FHIT: variants seen among roughly 807,000 people sequenced by gnomAD.
FHIT encodes bis(5'-adenosyl)-triphosphatase.
FHIT carries 19 observed loss-of-function variants against 17.9 expected under a neutral mutation model. The ratio of observed to expected loss-of-function variants is 1.06; its 90% confidence interval spans 0.74 to 1.56. The LOEUF (loss-of-function observed/expected upper bound fraction) is 1.56. FHIT is among the 40% of genes most tolerant of loss of function. The pLI is 0.00. For missense variants in FHIT, 248 were observed against 189.2 expected (o/e 1.31, Z -1.82); for synonymous variants, 81 against 69.7 (o/e 1.16, Z -0.81).
chr3:61,240,183 G>A (rs925026974), intron 1 of FHIT, among the ~76,000 whole-genome samples: 4 of 152,182 alleles, frequency 2.6e-5, no homozygotes, highest in African/African-American at 9.7e-5. Context: ...TCTTGGCCTT[G>A]TTTTTATCCA....
At chr3:60,546,172 C>G (rs2036356662) in intron 4 of FHIT, among the ~76,000 whole-genome samples, 1 of 152,114 alleles carries the variant, frequency 6.6e-6, no homozygotes, top group African/African-American at 2.4e-5. Flanking sequence ...AGTTTAATCA[C>G]TACACATTTA....
At chr3:59,871,659 T>G (rs1348839656) in intron 8 of FHIT, among the ~76,000 whole-genome samples, 16 of 152,202 alleles carry the variant, frequency 1.1e-4, no homozygotes, top group Admixed American at 1.0e-3. Flanking sequence ...AGGCTGTGTC[T>G]GGGTTCAGTG....
intron 3 of FHIT, among the ~76,000 whole-genome samples, chr3:60,862,296 G>T (rs2107007553): frequency 6.6e-6 from 1 of 152,096 alleles, no homozygotes; most frequent in South Asian, 2.1e-4. Flanking sequence ...ATCCGTACTA[G>T]CTAGGACTAT....
chr3:61,097,649 T>C (rs756976392), intron 2 of FHIT, among the ~76,000 whole-genome samples: 1 of 152,218 alleles, frequency 6.6e-6, no homozygotes, highest in African/African-American at 2.4e-5. Flanking sequence ...CCATTTTGAC[T>C]GGTGTGAGAC....
chr3:61,169,998 A>T (rs1244025493), intron 2 of FHIT, among the ~76,000 whole-genome samples: 1 of 152,198 alleles, frequency 6.6e-6, no homozygotes, highest in African/African-American at 2.4e-5. Flanking sequence ...ATTAGACATC[A>T]CGGTGACCAG....
At chr3:60,420,142 C>A (rs904685134) in intron 5 of FHIT, among the ~76,000 whole-genome samples, 1 of 152,044 alleles carries the variant, frequency 6.6e-6, no homozygotes, top group Non-Finnish European at 1.5e-5. Flanking sequence ...TTTCATTGTG[C>A]GTAAATATAC....
Position 60,192,165 on chromosome 3 carries a change from C to T in FHIT, c.104-178013G>A, listed in dbSNP as rs149035917. Among the ~76,000 whole-genome samples the T allele has an allele frequency of 5.7e-3, 868 of 151,256 alleles. 6 individuals are homozygous for T. Among genetic ancestry groups the T allele is most frequent in the Non-Finnish European group, 9.0e-3 (613 of 67,860 alleles). On this transcript the variant is annotated intron_variant, in intron 5 of 9. Coordinates refer to ENST00000492590, the MANE Select transcript of FHIT (RefSeq NM_002012.4). ...ACTCAGGAGGCGGAGGCAAGAGAATCGCTCGAGCCCGGGAGGCGGAGGTTG... is the reference window on the plus strand; with the variant it reads ...ACTCAGGAGGCGGAGGCAAGAGAATTGCTCGAGCCCGGGAGGCGGAGGTTG...
intron 3 of FHIT, among the ~76,000 whole-genome samples, chr3:61,038,291 T>G (rs1391971294): frequency 6.6e-6 from 1 of 152,154 alleles, no homozygotes; most frequent in Non-Finnish European, 1.5e-5. Context: ...TTAAATCAAA[T>G]TTAGAGACAG....
At chr3:61,147,053 CA>C (rs892137297) in intron 2 of FHIT, among the ~76,000 whole-genome samples, 46 of 152,092 alleles carry the variant, frequency 3.0e-4, no homozygotes, top group African/African-American at 8.9e-4. Context: ...ATGCTTCCAA[CA>C]AAACTCTTCT....
chr3:60,016,164 G>A (rs939088192), intron 5 of FHIT, among the ~76,000 whole-genome samples: 2 of 152,118 alleles, frequency 1.3e-5, no homozygotes, highest in Non-Finnish European at 2.9e-5. Context: ...CAACATGTAG[G>A]ATAACCTTTA....
chr3:59,762,486 T>C (rs989008244), intron 8 of FHIT, among the ~76,000 whole-genome samples: 9 of 152,178 alleles, frequency 5.9e-5, no homozygotes, highest in East Asian at 1.9e-4. Context: ...CAGAGTGGTA[T>C]TTGTTTGGAT....
chr3:60,222,773 C>T (rs930128823), intron 5 of FHIT, among the ~76,000 whole-genome samples: 6 of 152,120 alleles, frequency 3.9e-5, no homozygotes, highest in Admixed American at 1.3e-4. Context: ...TGGTGGCACA[C>T]GCCTGTAATC....
chr3:60,417,446 T>C (rs1415119213), intron 5 of FHIT, among the ~76,000 whole-genome samples: 1 of 152,166 alleles, frequency 6.6e-6, no homozygotes, highest in Admixed American at 6.5e-5. Flanking sequence ...ACGGAGCCAT[T>C]TGCTGTTCAT....
intron 3 of FHIT, among the ~76,000 whole-genome samples, chr3:61,037,855 A>T (rs868819811): frequency 6.6e-6 from 1 of 152,348 alleles, no homozygotes; most frequent in Middle Eastern, 3.4e-3. Flanking sequence ...TCTATTCATT[A>T]TAAGTTACCC....
intron 2 of FHIT, among the ~76,000 whole-genome samples, chr3:61,173,605 C>T (rs973163386): frequency 1.2e-4 from 18 of 152,184 alleles, no homozygotes; most frequent in Admixed American, 5.9e-4. Flanking sequence ...TTCCAACAAG[C>T]TTTCAGCGGA....
At position 60,714,684 on chromosome 3, in the gene FHIT, A is replaced by G. The variant is rs150758840; in HGVS notation, c.-18+107235T>C. Among the ~76,000 whole-genome samples the G allele has an allele frequency of 9.6e-3, 1,468 of 152,314 alleles. 30 individuals are homozygous for G. The highest frequency in any genetic ancestry group is 0.034 in the African/African-American group (1,406 of 41,548). ...AATCATGAGTGAACTCCCATTCACA[A>G]CTGCTTCAAAGAGAAGAAAATACCT... On this transcript the variant is annotated intron_variant, in intron 4 of 9. Transcript: ENST00000492590.
At chr3:60,512,279 T>G (rs1255594374) in intron 5 of FHIT, among the ~76,000 whole-genome samples, 1 of 152,184 alleles carries the variant, frequency 6.6e-6, no homozygotes, top group Non-Finnish European at 1.5e-5. Context: ...CACTTTCTAG[T>G]CAACCAATCA....
intron 5 of FHIT, among the ~76,000 whole-genome samples, chr3:60,223,505 C>G (rs1328344117): frequency 6.6e-6 from 1 of 150,560 alleles, no homozygotes; most frequent in African/African-American, 2.4e-5. Context: ...ATTTTATTTA[C>G]TAATCTAAAA....
At chr3:60,749,961 A>G (rs1276866301) in intron 4 of FHIT, among the ~76,000 whole-genome samples, 1 of 152,194 alleles carries the variant, frequency 6.6e-6, no homozygotes, top group East Asian at 1.9e-4. Context: ...TAAACTGGGA[A>G]CTTTTTCTAT....
Sources: gnomAD v4.1 joint callset for allele counts (sites outside exome capture counted in the v4.1 genomes callset) on GRCh38, gnomAD v4.1.1 for gene constraint, MANE v1.5 for transcripts, NCBI Gene and HGNC (gene_info 2026-07-23, HGNC 2026-07-21) for gene names.